TNFSF15: variants seen among roughly 807,000 people sequenced by gnomAD.
TNFSF15 encodes the protein tumor necrosis factor ligand superfamily member 15.
Under a neutral mutation model 26.4 loss-of-function variants are expected in TNFSF15, and 15 were observed. The ratio of observed to expected loss-of-function variants is 0.57; its 90% CI spans 0.38 to 0.87. The LOEUF (loss-of-function observed/expected upper bound fraction) is 0.87. Among genes scored for constraint, TNFSF15 ranks in the 40% least tolerant of loss-of-function variants. TNFSF15 has a pLI of 0.00. For missense variants in TNFSF15, 290 were observed against 306.1 expected (o/e 0.95, Z 0.39); for synonymous variants, 116 against 115.0 (o/e 1.01, Z -0.06).
intron 3 of TNFSF15, 41 bp downstream of exon 3, chr9:114,792,366 C>G (rs371815760): frequency 5.3e-5 from 84 of 1,597,628 alleles, no homozygotes; most frequent in Non-Finnish European, 6.3e-5. Flanking sequence ...TCTCAGGATT[C>G]TGGCCCATGG....
rs1829579598 is a variant in TNFSF15 at position 114,790,551 on chromosome 9, G to A, written c.657C>T (p.Ser219=). 1 of 1,614,014 alleles carries A rather than the reference G, an allele frequency of 6.2e-7. No homozygotes were observed. The highest frequency in any genetic ancestry group is 1.1e-5 in the South Asian group (1 of 91,086). ...CCATTAGCTTGTCCCCTTCTTGCAA[G>A]GAGAACATGGCTCCGAGGTAGATGG... ...FQPIYLGAMF[S]LQEGDKLMVN... Residue 219 remains serine (S), a synonymous_variant, in exon 4 of 4, where the codon TCC becomes TCT. Coordinates refer to ENST00000374045, the MANE Select transcript of TNFSF15 (RefSeq NM_005118.4).
At chr9:114,791,522 T>C (rs1247797752) in intron 3 of TNFSF15, 1 of 170,354 alleles carries the variant, frequency 5.9e-6, no homozygotes, top group Non-Finnish European at 1.4e-5. Flanking sequence ...AACACCAATG[T>C]CTTGGGCCAC....
At chr9:114,797,864 G>A (rs573629463) in intron 1 of TNFSF15, among the ~76,000 whole-genome samples, 238 of 152,222 alleles carry the variant, frequency 1.6e-3, no homozygotes, top group African/African-American at 5.5e-3. Context: ...GACTTTTCTC[G>A]CTCTGAAAAT....
rs1390928901 is a variant in TNFSF15 at position 114,785,315 on chromosome 9, C to T, written c.*5137G>A. On this transcript the variant is annotated 3_prime_UTR_variant, in exon 4 of 4. Coordinates refer to ENST00000374045, the MANE Select transcript of TNFSF15 (RefSeq NM_005118.4). ...TTGGAATAAACTCCGCAGATACTGT[C>T]ATTTCTAAAATTCCATGACATTTCT... 3 of 152,210 alleles carry T rather than the reference C, an allele frequency of 2.0e-5. No individual in the cohort carries two copies. The highest frequency in any genetic ancestry group is 4.4e-5 in the Non-Finnish European group (3 of 68,036). 9.4% of individuals were successfully genotyped at this position (152,210 alleles called of 1,614,324 possible).
At position 114,792,402 on chromosome 9, in the gene TNFSF15, C is replaced by T; in HGVS notation, c.301+5G>A. The T allele has an allele frequency of 6.2e-7, 1 of 1,613,870 alleles. No individual in the cohort carries two copies. Among genetic ancestry groups the T allele is most frequent in the Non-Finnish European group, 8.5e-7 (1 of 1,179,854 alleles). On this transcript the variant is annotated splice_donor_5th_base_variant and intron_variant, in intron 3 of 3. Coordinates refer to ENST00000374045, the MANE Select transcript of TNFSF15 (RefSeq NM_005118.4). ...TCTCCCGTAAAACACAGCAGGGAGG[C>T]TTACCTGTCAGGTGTGCCCTTGGCT... is the stretch of plus-strand genomic sequence containing the variant.
intron 1 of TNFSF15, among the ~76,000 whole-genome samples, chr9:114,804,797 A>G (rs1279131925): frequency 6.6e-6 from 1 of 152,132 alleles, no homozygotes; most frequent in African/African-American, 2.4e-5. Flanking sequence ...AGAATTACAG[A>G]TTTTCCATGG....
intron 1 of TNFSF15, among the ~76,000 whole-genome samples, chr9:114,800,810 T>G (rs569453194): frequency 6.6e-6 from 1 of 152,262 alleles, no homozygotes; most frequent in East Asian, 1.9e-4. Context: ...ATATAATAAG[T>G]TATTAAGAGG....
intron 1 of TNFSF15, among the ~76,000 whole-genome samples, chr9:114,803,299 C>T (rs918454983): frequency 1.3e-5 from 2 of 152,154 alleles, no homozygotes; most frequent in East Asian, 1.9e-4. Flanking sequence ...TGCGGCTCTC[C>T]CCACATTTCT....
At chr9:114,793,677 G>T in intron 1 of TNFSF15, 109 bp from the exon 2 acceptor site, 1 of 1,017,200 alleles carries the variant, frequency 9.8e-7, no homozygotes, top group Non-Finnish European at 1.5e-6. Flanking sequence ...GCCCAGCCTG[G>T]GTACTCTGTG....
At position 114,787,637 on chromosome 9, in the gene TNFSF15, C is replaced by T. The variant is rs1829524139; in HGVS notation, c.*2815G>A. 6.5e-6 allele frequency: 1 copy of T among 153,464 alleles called. No homozygotes were observed. The highest frequency in any genetic ancestry group is 1.5e-5 in the Non-Finnish European group (1 of 68,042). The allele number at this position is 153,464 out of a possible 1,614,324, so 9.5% of individuals were successfully genotyped here. A position where few individuals can be genotyped will look rare whatever the true frequency, so the allele number is the denominator to read the frequency against. On this transcript the variant is annotated 3_prime_UTR_variant, in exon 4 of 4. Transcript: ENST00000374045. ...CCCTTTTAGGGGAACATCACATGATCTTAAAAGCATTTTCCCACCTCACTT... is the reference window on the plus strand; with the variant it reads ...CCCTTTTAGGGGAACATCACATGATTTTAAAAGCATTTTCCCACCTCACTT...
intron 3 of TNFSF15, chr9:114,791,224 T>TGG (rs1829593019): frequency 2.0e-6 from 1 of 493,690 alleles, no homozygotes; most frequent in South Asian, 3.5e-5. Flanking sequence ...CCCCTATTCT[T>TGG]CTGTGTTTAG....
chr9:114,803,336 C>T (rs1039449218), intron 1 of TNFSF15, among the ~76,000 whole-genome samples: 15 of 152,182 alleles, frequency 9.9e-5, no homozygotes, highest in African/African-American at 2.9e-4. Flanking sequence ...CTTCTGCACA[C>T]GCCTTATTGG....
At chr9:114,791,789 A>G (rs55717217) in intron 3 of TNFSF15, 8,318 of 167,818 alleles carry the variant, frequency 0.05, 566 homozygotes, top group East Asian at 0.26. Context: ...CTTGATTTCT[A>G]TATATCGATG....
At chr9:114,796,933 A>G (rs1301547050) in intron 1 of TNFSF15, among the ~76,000 whole-genome samples, 1 of 152,230 alleles carries the variant, frequency 6.6e-6, no homozygotes, top group Non-Finnish European at 1.5e-5. Context: ...GAAGCAGCCC[A>G]GAAATGAACT....
chr9:114,802,148 G>A (rs56390449), intron 1 of TNFSF15, among the ~76,000 whole-genome samples: 34 of 152,224 alleles, frequency 2.2e-4, no homozygotes, highest in Non-Finnish European at 4.3e-4. Context: ...CCTGTGATGT[G>A]CATCACATTC....
At chr9:114,801,547 G>A (rs1470517522) in intron 1 of TNFSF15, among the ~76,000 whole-genome samples, 2 of 152,120 alleles carry the variant, frequency 1.3e-5, no homozygotes, top group Admixed American at 6.5e-5. Context: ...TTCCCTGAGC[G>A]GGGAAATTCC....
intron 1 of TNFSF15, among the ~76,000 whole-genome samples, chr9:114,795,297 A>C (rs543758459): frequency 1.3e-5 from 2 of 152,338 alleles, no homozygotes; most frequent in East Asian, 1.9e-4. Flanking sequence ...CCTCTAATAG[A>C]GTGATCCTCT....
At position 114,805,860 on chromosome 9, in the gene TNFSF15, G is replaced by C. The variant is rs142229120; in HGVS notation, c.153C>G (p.Thr51=). ...LVLLPFLAGL[T]TYLLVSQLRA... is the part of the protein sequence containing the mutation. ...GGAGCTGGCTGACAAGCAGGTATGTGGTGAGTCCTGCAAGGAAGGGGAGCA... is the reference window on the plus strand; with the variant it reads ...GGAGCTGGCTGACAAGCAGGTATGTCGTGAGTCCTGCAAGGAAGGGGAGCA... The change falls in exon 1 of 4, where the codon ACC becomes ACG. Residue 51 remains threonine, a synonymous_variant. Coordinates refer to ENST00000374045, the MANE Select transcript of TNFSF15 (RefSeq NM_005118.4). 19 of 1,613,874 alleles carry C rather than the reference G, an allele frequency of 1.2e-5. No individual in the cohort carries two copies. In the African/African-American group the frequency reaches 2.4e-4, roughly 20 times the overall value.
chr9:114,790,558 A>G lies in TNFSF15; in HGVS notation c.650T>C (p.Met217Thr). 1 of 1,614,086 alleles carries G rather than the reference A, an allele frequency of 6.2e-7. No individual in the cohort carries two copies. The highest frequency in any genetic ancestry group is 1.1e-5 in the South Asian group (1 of 91,082). The change falls in exon 4 of 4, where the codon ATG becomes ACG. Residue 217 changes from methionine (M) to threonine (T), a missense_variant. Coordinates refer to ENST00000374045, the MANE Select transcript of TNFSF15 (RefSeq NM_005118.4). ...NWFQPIYLGAMFSLQEGDKLM... is the reference protein window; with the variant it reads ...NWFQPIYLGATFSLQEGDKLM... Reference sequence around the variant, plus strand: ...CTTGTCCCCTTCTTGCAAGGAGAACATGGCTCCGAGGTAGATGGGCTGGAA... The same window carrying G: ...CTTGTCCCCTTCTTGCAAGGAGAACGTGGCTCCGAGGTAGATGGGCTGGAA...
Sources: gnomAD v4.1 joint callset for allele counts (sites outside exome capture counted in the v4.1 genomes callset) on GRCh38, gnomAD v4.1.1 for gene constraint, MANE v1.5 for transcripts, NCBI Gene and HGNC (gene_info 2026-07-23, HGNC 2026-07-21) for gene names.